The following SLC4A7 variants were observed in gnomAD, a reference collection of about 807,000 sequenced individuals.
SLC4A7 encodes the protein solute carrier family 4 member 7, also known as sodium bicarbonate cotransporter 3.
In SLC4A7, 51 loss-of-function variants were observed where a neutral mutation model predicts 137.6. The ratio of observed to expected loss-of-function variants is 0.37; its 90% confidence interval spans 0.30 to 0.47. The LOEUF is 0.47. Ranked by LOEUF, SLC4A7 falls within the 20% of genes least tolerant of loss-of-function variation. The pLI, the probability that SLC4A7 is intolerant of heterozygous loss-of-function variation, is 1.00. For synonymous variants in SLC4A7, 542 were observed against 518.6 expected (o/e 1.05, Z -0.61); for missense variants, 1,247 against 1,525.4 (o/e 0.82, Z 3.04).
In SLC4A7 at chr3:27,434,054, G is replaced by A. The variant is rs767579258; in HGVS notation, c.640C>T (p.Arg214Ter). 1.9e-6 allele frequency: 3 copies of A among 1,613,304 alleles called. No individual in the cohort carries two copies. Among genetic ancestry groups the A allele is most frequent in the Non-Finnish European group, 2.5e-6 (3 of 1,179,702 alleles). Residue 214 changes from arginine to a stop codon, truncating the protein, a stop_gained, in exon 6 of 26, where the codon CGA becomes TGA. Transcript: ENST00000454389. LOFTEE classifies it high-confidence loss of function. ...IASGQLDESI[R>*]ENVREALLKR... ...AGAAGAGCTTCTCTGACATTCTCTC[G>A]TATGGACTCGTCTAATTGGCCAGAA...
intron 17 of SLC4A7, 189 bp downstream of exon 17, chr3:27,398,003 T>C (rs1339560880): frequency 4.9e-6 from 3 of 616,000 alleles, no homozygotes; most frequent in Non-Finnish European, 8.5e-6. Context: ...GCAACTCTTA[T>C]GGTACCATCA....
chr3:27,414,289 T>C (rs554502227), intron 11 of SLC4A7, among the ~76,000 whole-genome samples: 83 of 151,908 alleles, frequency 5.5e-4, no homozygotes, highest in Non-Finnish European at 1.1e-3. Context: ...TCAAAAAAAA[T>C]AATAAAATAC....
intron 21 of SLC4A7, among the ~76,000 whole-genome samples, chr3:27,391,167 T>A (rs576589003): frequency 3.7e-4 from 56 of 152,234 alleles, no homozygotes; most frequent in African/African-American, 1.3e-3. Context: ...TCTTAAGAAG[T>A]TTTATTAGGT....
chr3:27,439,477 G>A (rs974052907), intron 3 of SLC4A7, among the ~76,000 whole-genome samples: 1 of 151,998 alleles, frequency 6.6e-6, no homozygotes, highest in African/African-American at 2.4e-5. Context: ...ACAAATCTTT[G>A]TCAGAATGAT....
rs1256908447 is a variant in SLC4A7 at position 27,395,069 on chromosome 3, T to C, written c.2750A>G (p.Asn917Ser). 6.2e-7 allele frequency: 1 copy of C among 1,611,160 alleles called. No homozygotes were observed. The highest frequency in any genetic ancestry group is 8.5e-7 in the Non-Finnish European group (1 of 1,179,064). The change falls in exon 19 of 26, where the codon AAT (asparagine) becomes AGT (serine). Residue 917 changes from asparagine to serine, a missense_variant. Physicochemically the swap from Asn to Ser is conservative, Grantham distance 46 (BLOSUM62 1). This residue lies in a region of SLC4A7 where 48 missense variants were observed against 97.2 expected (regional missense o/e 0.49). Coordinates refer to ENST00000454389, the MANE Select transcript of SLC4A7 (RefSeq NM_001321103.2). ...RGWIISPLGD[N>S]PWWTLLIAAI... ...AGCTATTAATAAGGTCCACCAAGGATTATCTCCCAGTGGGCTTATGATCCA... is the reference window on the plus strand; with the variant it reads ...AGCTATTAATAAGGTCCACCAAGGACTATCTCCCAGTGGGCTTATGATCCA...
intron 1 of SLC4A7, among the ~76,000 whole-genome samples, chr3:27,465,967 G>A (rs628376): frequency 0.49 from 64,666 of 132,856 alleles, 16,619 homozygotes; most frequent in East Asian, 0.78. Flanking sequence ...AAAAAAAAAA[G>A]AAAGAAAGAA....
intron 12 of SLC4A7, among the ~76,000 whole-genome samples, chr3:27,410,290 A>T (rs2053776958): frequency 6.6e-6 from 1 of 152,148 alleles, no homozygotes; most frequent in South Asian, 2.1e-4. Context: ...TTTCTTGTTC[A>T]CTGCGTTATC....
intron 3 of SLC4A7, among the ~76,000 whole-genome samples, chr3:27,439,742 T>A (rs1576471045): frequency 6.6e-6 from 1 of 152,182 alleles, no homozygotes; most frequent in African/African-American, 2.4e-5. Flanking sequence ...ACTGGCTAGG[T>A]CTTCTAGTAC....
chr3:27,404,165 C>T (rs66707212), intron 14 of SLC4A7, among the ~76,000 whole-genome samples: 33,746 of 152,124 alleles, frequency 0.22, 3,876 homozygotes, highest in Non-Finnish European at 0.27. Flanking sequence ...GAGGTCAGTT[C>T]GAGACCAGCC....
intron 15 of SLC4A7, among the ~76,000 whole-genome samples, chr3:27,402,708 A>C (rs1317158226): frequency 6.6e-6 from 1 of 152,194 alleles, no homozygotes; most frequent in East Asian, 1.9e-4. Context: ...CCAAAAAAAA[A>C]AAATCAAGCT....
intron 22 of SLC4A7, among the ~76,000 whole-genome samples, chr3:27,387,124 T>C (rs957002390): frequency 6.6e-6 from 1 of 152,186 alleles, no homozygotes; most frequent in Non-Finnish European, 1.5e-5. Context: ...AATTTTTAAA[T>C]ATTTGGTTAT....
intron 24 of SLC4A7, among the ~76,000 whole-genome samples, chr3:27,381,996 G>T (rs1037181352): frequency 4.7e-5 from 7 of 150,248 alleles, no homozygotes; most frequent in Non-Finnish European, 7.4e-5. Flanking sequence ...GAACCCAGGA[G>T]GTGGAAGTTG....
At chr3:27,431,962 A>C (rs2056343276) in intron 6 of SLC4A7, among the ~76,000 whole-genome samples, 1 of 152,236 alleles carries the variant, frequency 6.6e-6, no homozygotes. Flanking sequence ...ATTTTTAAAA[A>C]GGACAATATC....
chr3:27,438,609 A>G (rs964065500), intron 3 of SLC4A7, among the ~76,000 whole-genome samples: 1 of 150,876 alleles, frequency 6.6e-6, no homozygotes, highest in East Asian at 1.9e-4. Flanking sequence ...ATAACATAAA[A>G]TAAAATAACA....
chr3:27,414,429 A>C (rs1240778031), intron 11 of SLC4A7, among the ~76,000 whole-genome samples: 1 of 152,218 alleles, frequency 6.6e-6, no homozygotes, highest in Non-Finnish European at 1.5e-5. Context: ...TAACATGAAC[A>C]GTCGAACATA....
chr3:27,376,433 TAA>T lies in SLC4A7; in HGVS notation c.*329_*330del, dbSNP rs1265682398. The stretch of plus-strand genomic sequence containing the variant: ...ATAAACATATAAACAAAGTATCACT[TAA>T]GGTTTTTACGAATTGCCACTGATGA... On this transcript the variant is annotated 3_prime_UTR_variant, in exon 26 of 26. Coordinates refer to ENST00000454389, the MANE Select transcript of SLC4A7 (RefSeq NM_001321103.2). 2 of 170,442 alleles carry T rather than the reference TAA, an allele frequency of 1.2e-5. No homozygotes were observed. Among genetic ancestry groups the T allele is most frequent in the Non-Finnish European group, 2.5e-5 (2 of 80,320 alleles). 10.6% of individuals were successfully genotyped at this position (170,442 alleles called of 1,614,324 possible).
chr3:27,454,445 G>A (rs1296694149), intron 1 of SLC4A7, among the ~76,000 whole-genome samples: 3 of 152,154 alleles, frequency 2.0e-5, no homozygotes, highest in Non-Finnish European at 4.4e-5. Context: ...CAGCCTGGGA[G>A]ACAAAGCGAG....
intron 11 of SLC4A7, among the ~76,000 whole-genome samples, chr3:27,417,111 T>C (rs1000659330): frequency 1.7e-4 from 26 of 151,994 alleles, no homozygotes; most frequent in African/African-American, 6.0e-4. Flanking sequence ...CCTCAAAAAT[T>C]GGAGTGTGGA....
At chr3:27,483,838 C>T (rs1409796125) in intron 1 of SLC4A7, among the ~76,000 whole-genome samples, 1 of 150,920 alleles carries the variant, frequency 6.6e-6, no homozygotes, top group Non-Finnish European at 1.5e-5. Flanking sequence ...GGCGCGCCGC[C>T]GGCCGCCCCG....
Sources: gnomAD v4.1 joint callset for allele counts (sites outside exome capture counted in the v4.1 genomes callset) on GRCh38, gnomAD v4.1.1 for gene constraint, gnomAD v4.1.1 regional missense constraint, MANE v1.5 for transcripts, NCBI Gene and HGNC (gene_info 2026-07-23, HGNC 2026-07-21) for gene names.